ROR1: variants seen among roughly 807,000 people sequenced by gnomAD.
ROR1 encodes inactive tyrosine-protein kinase transmembrane receptor ROR1.
Under a neutral mutation model 78.8 loss-of-function variants are expected in ROR1, and 19 were observed. The observed-to-expected ratio is 0.24, with a 90% CI of 0.17 to 0.35. The LOEUF (loss-of-function observed/expected upper bound fraction) is 0.35, where lower values mean the gene tolerates loss of function less well. Among genes scored for constraint, ROR1 ranks in the 10% least tolerant of loss-of-function variants. The probability of loss-of-function intolerance (pLI) is 1.00; values close to 1 mark genes in which losing one functional copy is unlikely to be tolerated. For missense variants in ROR1, 917 were observed against 1,177.8 expected, an observed-to-expected ratio of 0.78 and a Z score of 3.24; for synonymous variants, 386 against 433.6, an observed-to-expected ratio of 0.89 and a Z score of 1.36.
At chr1:64,063,033 G>A (rs1043461999) in intron 4 of ROR1, among the ~76,000 whole-genome samples, 1 of 152,112 alleles carries the variant, frequency 6.6e-6, no homozygotes, top group African/African-American at 2.4e-5. Context: ...TGACACAGGG[G>A]GTTTCTTAGA....
chr1:63,988,450 C>T lies in ROR1; in HGVS notation c.92-20855C>T, dbSNP rs189095940. Among the ~76,000 whole-genome samples, 4 of 152,292 alleles carry T rather than the reference C, an allele frequency of 2.6e-5. No homozygotes were observed. The East Asian group carries it at 5.8e-4, about 22-fold the overall frequency. On this transcript the variant is annotated intron_variant, in intron 1 of 8. Transcript: ENST00000371079. ...AATACTTTTAGCCATGGGCAACTCA[C>T]TCCTTTTTCAGAAAAAATTGTGGTT... is the stretch of plus-strand genomic sequence containing the variant.
At chr1:63,913,898 C>T (rs778214586) in intron 1 of ROR1, among the ~76,000 whole-genome samples, 97 of 152,276 alleles carry the variant, frequency 6.4e-4, no homozygotes, top group Non-Finnish European at 1.1e-3. Flanking sequence ...CGTCCTCACA[C>T]GGTGGCTCTG....
chr1:63,873,399 TC>T (rs1255671255), intron 1 of ROR1, among the ~76,000 whole-genome samples: 1 of 152,154 alleles, frequency 6.6e-6, no homozygotes, highest in African/African-American at 2.4e-5. Context: ...TCCAACCCGT[TC>T]TTTAAAAAAC....
At chr1:63,786,382 C>A (rs905815952) in intron 1 of ROR1, among the ~76,000 whole-genome samples, 1 of 147,356 alleles carries the variant, frequency 6.8e-6, no homozygotes, top group South Asian at 2.2e-4. Flanking sequence ...ACGCCATTCT[C>A]CTGCCTCAGC....
intron 1 of ROR1, among the ~76,000 whole-genome samples, chr1:63,910,000 G>C (rs942798411): frequency 1.2e-4 from 19 of 152,206 alleles, no homozygotes; most frequent in Non-Finnish European, 2.4e-4. Context: ...AGTCTCAAGG[G>C]ACGGGACCTC....
rs75322501 is a variant in ROR1 at position 64,038,821 on chromosome 1, C to T, written c.164-10870C>T. ...TAGCATTTTACACGTCTATCTTTAG[C>T]AAGCCTGTGATCAGTTTAAGGAGCC... On this transcript the variant is annotated intron_variant, in intron 2 of 8. Transcript: ENST00000371079. 3.2e-4 allele frequency among the ~76,000 whole-genome samples: 48 copies of T among 152,288 alleles called. No homozygotes were observed. In the East Asian group the frequency reaches 8.9e-3, roughly 28 times the overall value.
At chr1:64,045,335 A>T (rs975773390) in intron 2 of ROR1, among the ~76,000 whole-genome samples, 2 of 142,354 alleles carry the variant, frequency 1.4e-5, no homozygotes, top group East Asian at 1.9e-4. Flanking sequence ...CAATAATAAA[A>T]AAAAAATGCC....
At chr1:63,875,989 G>A (rs931201542) in intron 1 of ROR1, among the ~76,000 whole-genome samples, 3 of 152,124 alleles carry the variant, frequency 2.0e-5, no homozygotes, top group South Asian at 2.1e-4. Context: ...GAGAAAGTGG[G>A]AGACTATATT....
intron 4 of ROR1, among the ~76,000 whole-genome samples, chr1:64,135,075 A>C (rs893647814): frequency 6.6e-6 from 1 of 152,020 alleles, no homozygotes; most frequent in African/African-American, 2.4e-5. Context: ...ATAACAGTAC[A>C]TACTGGTTTT....
At chr1:63,985,621 A>G (rs1289181831) in intron 1 of ROR1, among the ~76,000 whole-genome samples, 1 of 151,986 alleles carries the variant, frequency 6.6e-6, no homozygotes, top group African/African-American at 2.4e-5. Context: ...TCACACATGT[A>G]TGTAATCCCA....
chr1:64,051,385 G>T (rs1404023551), intron 4 of ROR1, among the ~76,000 whole-genome samples: 2 of 151,658 alleles, frequency 1.3e-5, no homozygotes, highest in Non-Finnish European at 2.9e-5. Context: ...GGGAGGCGGA[G>T]CTTGCAGTGA....
At chr1:63,971,227 C>T (rs572369351) in intron 1 of ROR1, among the ~76,000 whole-genome samples, 1 of 152,164 alleles carries the variant, frequency 6.6e-6, no homozygotes, top group African/African-American at 2.4e-5. Context: ...AGGTATATGA[C>T]CTTGGGCAAA....
In ROR1 at chr1:64,142,670, C is replaced by A. The variant is rs756935126; in HGVS notation, c.1174+20C>A. 5.0e-6 allele frequency: 8 copies of A among 1,612,790 alleles called. No homozygotes were observed. In the Admixed American group the frequency reaches 1.3e-4, roughly 27 times the overall value. ...CGTGCGGTAAATAGAAGTCATTGCC[C>A]CTAATGTATTCAATCATCTTTAAAG... is the stretch of plus-strand genomic sequence containing the variant. On this transcript the variant is annotated intron_variant, in intron 7 of 8. Transcript: ENST00000371079.
chr1:63,925,252 G>A (rs1205589066), intron 1 of ROR1, among the ~76,000 whole-genome samples: 2 of 150,282 alleles, frequency 1.3e-5, no homozygotes, highest in South Asian at 4.3e-4. Context: ...CTATGAGTGA[G>A]AATATGCGGT....
At chr1:64,017,137 G>T (rs999519683) in intron 2 of ROR1, among the ~76,000 whole-genome samples, 4 of 151,874 alleles carry the variant, frequency 2.6e-5, no homozygotes, top group African/African-American at 9.7e-5. Context: ...GAACTTTTAG[G>T]CTCAAGCAAT....
intron 1 of ROR1, among the ~76,000 whole-genome samples, chr1:63,901,192 C>T (rs761000898): frequency 8.5e-5 from 13 of 152,182 alleles, no homozygotes; most frequent in Admixed American, 1.3e-4. Flanking sequence ...TGCATGAGAA[C>T]AGGGTCTTCC....
At position 64,079,734 on chromosome 1, in the gene ROR1, G is replaced by A. The variant is rs149201299; in HGVS notation, c.482+29018G>A. On this transcript the variant is annotated intron_variant, in intron 4 of 8. Transcript: ENST00000371079. ...TGACCTCAAGTGATCTGCCCTCCTC[G>A]GCCTCCCAAAGTGCTGGGATTATAA... Among the ~76,000 whole-genome samples, 1,297 of 152,050 alleles carry A rather than the reference G, an allele frequency of 8.5e-3. 9 individuals are homozygous for A. The highest frequency in any genetic ancestry group is 0.014 in the Non-Finnish European group (932 of 67,984).
Position 64,177,758 on chromosome 1 carries a change from G to A in ROR1, c.1717G>A (p.Val573Ile). Residue 573 changes from valine (V) to isoleucine (I), a missense_variant, in exon 9 of 9, where the codon GTT becomes ATT. By Grantham distance (29) the Val-to-Ile change is conservative. This residue lies in a region of ROR1 where 835 missense variants were observed against 1,069.8 expected (regional missense o/e 0.78). Transcript: ENST00000371079. ...FLIMRSPHSDVGCSSDEDGTV... is the reference protein window; with the variant it reads ...FLIMRSPHSDIGCSSDEDGTV... ...CATCATGAGATCCCCACACTCTGAT[G>A]TTGGCTGCAGCAGTGATGAAGATGG... 1 of 1,614,144 alleles carries A rather than the reference G, an allele frequency of 6.2e-7. No individual in the cohort carries two copies. Among genetic ancestry groups the A allele is most frequent in the Non-Finnish European group, 8.5e-7 (1 of 1,180,002 alleles).
At chr1:63,831,438 C>A (rs1026879704) in intron 1 of ROR1, among the ~76,000 whole-genome samples, 5 of 152,212 alleles carry the variant, frequency 3.3e-5, no homozygotes, top group African/African-American at 1.2e-4. Context: ...ACTCGCAGGC[C>A]CAACACCAGG....
Sources: gnomAD v4.1 joint callset for allele counts (sites outside exome capture counted in the v4.1 genomes callset) on GRCh38, gnomAD v4.1.1 for gene constraint, gnomAD v4.1.1 regional missense constraint, MANE v1.5 for transcripts, NCBI Gene and HGNC (gene_info 2026-07-23, HGNC 2026-07-21) for gene names.